SMPD3: variants seen among roughly 807,000 people sequenced by gnomAD.
The protein encoded by SMPD3 is nSMase-2.
SMPD3 carries 21 observed loss-of-function variants against 55.7 expected under a neutral mutation model. The observed-to-expected ratio is 0.38, with a 90% confidence interval of 0.27 to 0.54. The LOEUF (loss-of-function observed/expected upper bound fraction) is 0.54, where lower values mean the gene tolerates loss of function less well. Ranked by LOEUF, SMPD3 falls within the 20% of genes least tolerant of loss-of-function variation. The pLI is 0.80. For missense variants in SMPD3, 842 were observed against 899.6 expected, an observed-to-expected ratio of 0.94 and a Z score of 0.82; for synonymous variants, 457 against 404.3, an observed-to-expected ratio of 1.13 and a Z score of -1.56.
chr16:68,425,383 GGTCTCCTCCA>G (rs2090427807), intron 1 of SMPD3, among the ~76,000 whole-genome samples: 1 of 152,194 alleles, frequency 6.6e-6, no homozygotes, highest in Admixed American at 6.5e-5. Context: ...ATGCCAAGAG[GGTCTCCTCCA>G]GCTGGATGGT....
chr16:68,406,810 G>T (rs1385356346), intron 1 of SMPD3, among the ~76,000 whole-genome samples: 1 of 152,216 alleles, frequency 6.6e-6, no homozygotes, highest in Non-Finnish European at 1.5e-5. Context: ...CACAGTTTCA[G>T]GGGGCGGAAG....
chr16:68,398,482 C>A (rs1732079898), intron 1 of SMPD3, among the ~76,000 whole-genome samples: 1 of 152,158 alleles, frequency 6.6e-6, no homozygotes, highest in African/African-American at 2.4e-5. Context: ...CCTGAGGTGG[C>A]CGAGCTGGAG....
At chr16:68,445,287 GA>G (rs1419547410) in intron 1 of SMPD3, among the ~76,000 whole-genome samples, 1 of 152,146 alleles carries the variant, frequency 6.6e-6, no homozygotes, top group Non-Finnish European at 1.5e-5. Context: ...AAGAGTAGTA[GA>G]GGTAGAGGTA....
At chr16:68,444,246 C>A (rs949275905) in intron 1 of SMPD3, among the ~76,000 whole-genome samples, 1 of 152,212 alleles carries the variant, frequency 6.6e-6, no homozygotes, top group South Asian at 2.1e-4. Context: ...GGCCAGCACT[C>A]CAGAACCTTG....
At chr16:68,421,767 T>C (rs536322927) in intron 1 of SMPD3, among the ~76,000 whole-genome samples, 3 of 152,342 alleles carry the variant, frequency 2.0e-5, no homozygotes, top group African/African-American at 7.2e-5. Flanking sequence ...TTGTTTTTCT[T>C]CCCTACTTGC....
intron 1 of SMPD3, among the ~76,000 whole-genome samples, chr16:68,409,212 A>C (rs1191124760): frequency 1.3e-5 from 2 of 152,220 alleles, no homozygotes; most frequent in East Asian, 1.9e-4. Flanking sequence ...TTTGTGTTTC[A>C]TCATCTTGCT....
At position 68,404,001 on chromosome 16, in the gene SMPD3, C is replaced by T. The variant is rs888521296; in HGVS notation, c.-268-17342G>A. Among the ~76,000 whole-genome samples the T allele has an allele frequency of 6.6e-6, 1 of 152,026 alleles. No individual in the cohort carries two copies. Among genetic ancestry groups the T allele is most frequent in the African/African-American group, 2.4e-5 (1 of 41,390 alleles). On this transcript the variant is annotated intron_variant, in intron 1 of 8. Transcript: ENST00000219334. The surrounding 1 kb of genome is among the most constrained non-coding windows in gnomAD (Gnocchi z 4.0). ...GCTGGGATGGTGGGCAGGATGACAA[C>T]CCTGCCATTGTTTCTCTGTTTTCTT...
At chr16:68,437,869 G>A (rs2090536162) in intron 1 of SMPD3, among the ~76,000 whole-genome samples, 1 of 152,202 alleles carries the variant, frequency 6.6e-6, no homozygotes. Context: ...GCCTAAGGAG[G>A]ATGGGGTTTG....
At chr16:68,364,650 G>C in intron 5 of SMPD3, 101 bp downstream of exon 5, 3 of 1,335,272 alleles carry the variant, frequency 2.2e-6, no homozygotes, top group Non-Finnish European at 3.1e-6. Flanking sequence ...CTCTCGAGGA[G>C]CAGGAATTCT....
At chr16:68,417,518 T>G (rs897513075) in intron 1 of SMPD3, among the ~76,000 whole-genome samples, 2 of 152,204 alleles carry the variant, frequency 1.3e-5, no homozygotes, top group African/African-American at 4.8e-5. Flanking sequence ...TTGAGAGACA[T>G]TTGTTTATTT....
At chr16:68,361,368 AGC>A (rs2089254118) in intron 8 of SMPD3, 61 bp from the exon 9 acceptor site, 5 of 1,533,002 alleles carry the variant, frequency 3.3e-6, no homozygotes, top group Non-Finnish European at 4.4e-6. Flanking sequence ...TCTTGCAGGG[AGC>A]GGCCTGGGGA....
In SMPD3 at chr16:68,371,992, T is replaced by G. The variant is rs773724477; in HGVS notation, c.190A>C (p.Thr64Pro). 6.2e-7 allele frequency: 1 copy of G among 1,612,022 alleles called. No individual in the cohort carries two copies. The highest frequency in any genetic ancestry group is 8.5e-7 in the Non-Finnish European group (1 of 1,179,446). ...ACCAGGAGGGCCAGGTAGATGGGCG[T>G]GAAGAGGGCAGTGCAGAGCAGCTGC... ...CLQLLCTALF[T>P]PIYLALLVAS... Residue 64 changes from threonine (T) to proline (P), a missense_variant, in exon 3 of 9, where the codon ACG (threonine) becomes CCG (proline). Transcript: ENST00000219334.
chr16:68,423,435 G>A (rs569138185), intron 1 of SMPD3, among the ~76,000 whole-genome samples: 26 of 152,152 alleles, frequency 1.7e-4, no homozygotes, highest in African/African-American at 4.8e-4. Context: ...TGGGGCTGGC[G>A]GCTTTATAAG....
chr16:68,411,627 G>A (rs2090301654), intron 1 of SMPD3, among the ~76,000 whole-genome samples: 1 of 152,206 alleles, frequency 6.6e-6, no homozygotes, highest in Non-Finnish European at 1.5e-5. Flanking sequence ...GATCAAAGAT[G>A]AGGCCTACAC....
rs957755466 is a variant in SMPD3 at position 68,404,141 on chromosome 16, G to A, written c.-268-17482C>T. Among the ~76,000 whole-genome samples, 1 of 151,394 alleles carries A rather than the reference G, an allele frequency of 6.6e-6. No individual in the cohort carries two copies. Among genetic ancestry groups the A allele is most frequent in the Non-Finnish European group, 1.5e-5 (1 of 67,890 alleles). ...AGAGATCCTCCCACCTCAGCCTCCCGAGTAGCTGGGACTACTCAGTGCACA... is the reference window on the plus strand; with the variant it reads ...AGAGATCCTCCCACCTCAGCCTCCCAAGTAGCTGGGACTACTCAGTGCACA... On this transcript the variant is annotated intron_variant, in intron 1 of 8. Coordinates refer to ENST00000219334, the MANE Select transcript of SMPD3 (RefSeq NM_018667.4). This position sits in a 1 kb window ranked among gnomAD's most constrained non-coding sequence, Gnocchi z 4.0.
At chr16:68,384,068 G>A (rs1238131294) in intron 2 of SMPD3, among the ~76,000 whole-genome samples, 4 of 152,216 alleles carry the variant, frequency 2.6e-5, no homozygotes, top group Non-Finnish European at 2.9e-5. Flanking sequence ...TAGTGCCTGC[G>A]GACTCCAGGA....
intron 1 of SMPD3, among the ~76,000 whole-genome samples, chr16:68,444,019 C>A (rs2090588635): frequency 6.6e-6 from 1 of 152,158 alleles, no homozygotes; most frequent in Non-Finnish European, 1.5e-5. Flanking sequence ...ATGTGAAGAG[C>A]CTGAGTCAGA....
intron 1 of SMPD3, among the ~76,000 whole-genome samples, chr16:68,407,955 G>A (rs938938530): frequency 6.6e-6 from 1 of 152,114 alleles, no homozygotes; most frequent in African/African-American, 2.4e-5. Context: ...AAAAGAATTG[G>A]TGAAGCTTAT....
chr16:68,436,207 A>T (rs192995626), intron 1 of SMPD3, among the ~76,000 whole-genome samples: 1 of 152,324 alleles, frequency 6.6e-6, no homozygotes, highest in East Asian at 1.9e-4. Flanking sequence ...GATATATCCA[A>T]GTTCATGCAA....
Sources: allele counts gnomAD v4.1 joint callset (sites outside exome capture counted in the v4.1 genomes callset), GRCh38; gene constraint gnomAD v4.1.1; non-coding constraint Gnocchi (gnomAD v3.1); transcripts MANE v1.5; gene names NCBI Gene and HGNC (gene_info 2026-07-23, HGNC 2026-07-21).